LIPG: variants seen among roughly 807,000 people sequenced by gnomAD.
LIPG encodes lipase G, endothelial type.
Under a neutral mutation model 51.8 loss-of-function variants are expected in LIPG, and 34 were observed. The observed-to-expected ratio is 0.66, with a 90% CI of 0.50 to 0.87. The LOEUF (loss-of-function observed/expected upper bound fraction) is 0.87. Among genes scored for constraint, LIPG ranks in the 40% least tolerant of loss-of-function variants. The probability of loss-of-function intolerance (pLI) is 0.00; values close to 1 mark genes in which losing one functional copy is unlikely to be tolerated. For missense variants in LIPG, 580 were observed against 652.7 expected, an observed-to-expected ratio of 0.89 and a Z score of 1.21; for synonymous variants, 246 against 246.1, an observed-to-expected ratio of 1.00 and a Z score of 0.00.
Position 49,569,407 on chromosome 18 carries a change from C to A in LIPG, c.460-30C>A, listed in dbSNP as rs372560365. On this transcript the variant is annotated intron_variant, in intron 3 of 9. Coordinates refer to ENST00000261292, the MANE Select transcript of LIPG (RefSeq NM_006033.4). ...TCTGGGGGCTCTGGACCCTGCTCTTCTGCTCACATACTTTGGTGACTTTCT... is the reference window on the plus strand; with the variant it reads ...TCTGGGGGCTCTGGACCCTGCTCTTATGCTCACATACTTTGGTGACTTTCT... The A allele has an allele frequency of 2.5e-6, 4 of 1,588,202 alleles. No individual in the cohort carries two copies. In the African/African-American group the frequency reaches 5.4e-5, roughly 21 times the overall value.
chr18:49,561,603 G>A (rs1263701851), upstream of LIPG: 1 of 1,045,050 alleles, frequency 9.6e-7, no homozygotes, highest in Non-Finnish European at 1.2e-6. Context: ...GGGATGACCA[G>A]GTGGCTCTCC....
chr18:49,590,425 G>T (rs1002720273), intron 9 of LIPG, 76 bp from the exon 10 acceptor site: 1 of 1,503,634 alleles, frequency 6.7e-7, no homozygotes. Flanking sequence ...GGTCAAAAGA[G>T]CACACCCTGA....
chr18:49,570,146 A>G (rs2084648229), intron 4 of LIPG, among the ~76,000 whole-genome samples: 1 of 152,250 alleles, frequency 6.6e-6, no homozygotes, highest in Non-Finnish European at 1.5e-5. Context: ...TTTATGAATG[A>G]GAGCTACCAA....
rs1366629535 is a variant in LIPG at position 49,565,467 on chromosome 18, C to T, written c.248C>T (p.Ala83Val). 10 of 1,614,134 alleles carry T rather than the reference C, an allele frequency of 6.2e-6. No individual in the cohort carries two copies. Among genetic ancestry groups the T allele is most frequent in the Non-Finnish European group, 8.5e-6 (10 of 1,180,062 alleles). The stretch of plus-strand genomic sequence containing the variant: ...GAAGACTGCAGTTTCAACATGACAG[C>T]TAAAACCTTTTTCATCATTCACGGA... ...PLEDCSFNMT[A>V]KTFFIIHGWT... The change falls in exon 2 of 10, where the codon GCT becomes GTT. Residue 83 changes from alanine (A) to valine (V), a missense_variant. By Grantham distance (64) the Ala-to-Val change is moderately conservative. Transcript: ENST00000261292.
At chr18:49,576,840 G>A (rs1413842151) in intron 5 of LIPG, among the ~76,000 whole-genome samples, 1 of 151,990 alleles carries the variant, frequency 6.6e-6, no homozygotes, top group Non-Finnish European at 1.5e-5. Context: ...TTGAACTCCT[G>A]GGCTCAAGCT....
rs57137391 is a variant in LIPG at position 49,590,173 on chromosome 18, TTGTGTGTGTG to T, written c.1482-302_1482-293del. On this transcript the variant is annotated intron_variant, in intron 9 of 9. Transcript: ENST00000261292. ...TCTCCCCACACTTGTGTGTCCATGA[TTGTGTGTGTG>T]TGTGTGTGTGTGTGTGTGTGTGTGT... 2.3e-3 allele frequency: 873 copies of T among 371,942 alleles called. 4 individuals carry two copies. The highest frequency in any genetic ancestry group is 0.012 in the African/African-American group (549 of 46,828). 23.0% of individuals were successfully genotyped at this position (371,942 alleles called of 1,614,324 possible). A position where few individuals can be genotyped will look rare whatever the true frequency, so the allele number is the denominator to read the frequency against.
In LIPG at chr18:49,586,665, C is replaced by G. The variant is rs2084883220; in HGVS notation, c.1377-81C>G. ...TGAAAATTTCACCCCTGCCTCCTCA[C>G]CCATCTGCCTTGAATCTAGAAAGCA... is the stretch of plus-strand genomic sequence containing the variant. On this transcript the variant is annotated intron_variant, in intron 8 of 9. Transcript: ENST00000261292. The G allele has an allele frequency of 2.7e-5, 27 of 998,588 alleles. No individual in the cohort carries two copies. In the South Asian group the frequency reaches 3.5e-4, roughly 13 times the overall value. 61.9% of individuals were successfully genotyped at this position (998,588 alleles called of 1,614,324 possible). A position where few individuals can be genotyped will look rare whatever the true frequency, so the allele number is the denominator to read the frequency against.
chr18:49,587,725 G>T (rs1187862122), intron 9 of LIPG, among the ~76,000 whole-genome samples: 2 of 151,992 alleles, frequency 1.3e-5, no homozygotes. Context: ...GACCCTACTG[G>T]CATGAGATCT....
chr18:49,579,241 C>T (rs2084787782), intron 5 of LIPG, among the ~76,000 whole-genome samples: 1 of 121,118 alleles, frequency 8.3e-6, no homozygotes, highest in South Asian at 2.9e-4. Flanking sequence ...GGAGAGGGCT[C>T]ACCGGATACA....
At chr18:49,582,690 G>C (rs1274506812) in intron 7 of LIPG, among the ~76,000 whole-genome samples, 1 of 152,240 alleles carries the variant, frequency 6.6e-6, no homozygotes, top group Admixed American at 6.5e-5. Context: ...GTTTCGGGGA[G>C]AAAAGTTCCT....
In LIPG at chr18:49,586,796, G is replaced by A. The variant is rs17855045; in HGVS notation, c.1427G>A (p.Arg476Gln). Residue 476 changes from arginine to glutamine, a missense_variant, in exon 9 of 10, where the codon CGG (arginine) becomes CAG (glutamine). By Grantham distance (43) the Arg-to-Gln change is conservative (BLOSUM62 1). Coordinates refer to ENST00000261292, the MANE Select transcript of LIPG (RefSeq NM_006033.4). ...GAGAACACCAGCATATCCCCAGGCC[G>A]GGAGCTCTGGTTTCGCAAGTGTCGG... ...DPENTSISPG[R>Q]ELWFRKCRDG... 3.7e-5 allele frequency: 59 copies of A among 1,613,888 alleles called. 1 individual carries two copies. Among genetic ancestry groups the A allele is most frequent in the Middle Eastern group, 1.6e-4 (1 of 6,084 alleles).
Position 49,562,251 on chromosome 18 carries a change from G to C in LIPG, c.-58G>C. The C allele has an allele frequency of 6.2e-7, 1 of 1,611,836 alleles. No individual in the cohort carries two copies. The highest frequency in any genetic ancestry group is 8.5e-7 in the Non-Finnish European group (1 of 1,179,884). ...CGGCCGGGATTGCTGGAAACACCAA[G>C]AGGTGGTTTTTGTTTTTTAAAACTT... On this transcript the variant is annotated 5_prime_UTR_variant, in exon 1 of 10. Coordinates refer to ENST00000261292, the MANE Select transcript of LIPG (RefSeq NM_006033.4).
intron 7 of LIPG, among the ~76,000 whole-genome samples, chr18:49,582,856 G>A (rs2084836643): frequency 6.6e-6 from 1 of 152,236 alleles, no homozygotes; most frequent in Admixed American, 6.5e-5. Flanking sequence ...GTGGCTATGG[G>A]AGGGGTGCAT....
intron 5 of LIPG, among the ~76,000 whole-genome samples, chr18:49,576,146 T>C (rs2084713613): frequency 6.6e-6 from 1 of 151,916 alleles, no homozygotes; most frequent in Non-Finnish European, 1.5e-5. Context: ...CTGATTAATT[T>C]CTTTTTATGA....
intron 4 of LIPG, among the ~76,000 whole-genome samples, 154 bp from the exon 5 acceptor site, chr18:49,575,215 T>G (rs113000562): frequency 1.3e-5 from 2 of 152,326 alleles, no homozygotes; most frequent in African/African-American, 4.8e-5. Flanking sequence ...GGAAATGGGT[T>G]TCTTATTTTC....
Position 49,565,477 on chromosome 18 carries a change from T to C in LIPG, c.258T>C (p.Phe86=). ...DCSFNMTAKT[F]FIIHGWTMSG... is the part of the protein sequence containing the mutation. ...GTTTCAACATGACAGCTAAAACCTT[T>C]TTCATCATTCACGGATGGACGGTGA... Residue 86 remains phenylalanine, a synonymous_variant, in exon 2 of 10, where the codon TTT becomes TTC. Coordinates refer to ENST00000261292, the MANE Select transcript of LIPG (RefSeq NM_006033.4). 6.2e-7 allele frequency: 1 copy of C among 1,614,226 alleles called. No individual in the cohort carries two copies. The highest frequency in any genetic ancestry group is 1.1e-5 in the South Asian group (1 of 91,086).
chr18:49,567,336 C>CAA (rs200206113), intron 2 of LIPG, 106 bp from the exon 3 acceptor site: 79 of 995,272 alleles, frequency 7.9e-5, no homozygotes, highest in Non-Finnish European at 9.5e-5. Flanking sequence ...GACCCTGAGT[C>CAA]AAAAAAAAAA....
intron 3 of LIPG, chr18:49,567,881 C>T: frequency 2.2e-6 from 1 of 449,144 alleles, no homozygotes; most frequent in East Asian, 4.4e-5. Flanking sequence ...GTTGTTTCTT[C>T]CTGATCTTAG....
rs183234070 is a variant in LIPG, at chr18:49,586,721, A to G, written c.1377-25A>G. On this transcript the variant is annotated intron_variant, in intron 8 of 9. Coordinates refer to ENST00000261292, the MANE Select transcript of LIPG (RefSeq NM_006033.4). ...GGATTCCCCCTAAAGTTCTGCCTAC[A>G]TCAGTGGTTTCTTTTCCCTCCTAGA... is the stretch of plus-strand genomic sequence containing the variant. The G allele has an allele frequency of 3.1e-4, 472 of 1,534,040 alleles. 1 individual carries two copies. In the African/African-American group the frequency reaches 5.9e-3, roughly 19 times the overall value.
Sources: allele counts gnomAD v4.1 joint callset (sites outside exome capture counted in the v4.1 genomes callset), GRCh38; gene constraint gnomAD v4.1.1; transcripts MANE v1.5; gene names NCBI Gene and HGNC (gene_info 2026-07-23, HGNC 2026-07-21).